Variants in AMMECR1 observed in about 807,000 individuals in gnomAD.
The protein encoded by AMMECR1 is nuclear protein AMMECR1.
Under a neutral mutation model 22.5 loss-of-function variants are expected in AMMECR1, and 3 were observed. That is an observed-to-expected ratio of 0.13 (90% CI 0.06 to 0.35). The LOEUF (loss-of-function observed/expected upper bound fraction) is 0.35, where lower values mean the gene tolerates loss of function less well. AMMECR1 is among the 10% of genes least tolerant of loss of function. The pLI is 1.00. For synonymous variants in AMMECR1, 130 were observed against 116.7 expected, an observed-to-expected ratio of 1.11 and a Z score of -0.74; for missense variants, 235 against 278.7, an observed-to-expected ratio of 0.84 and a Z score of 1.12.
upstream of AMMECR1, among the ~76,000 whole-genome samples, chrX:110,318,871 TTTAA>T (rs2068068110): frequency 8.9e-6 from 1 of 112,390 alleles, no homozygotes; most frequent in Non-Finnish European, 1.9e-5. Flanking sequence ...CGTTTAAACA[TTTAA>T]AAGCCAAAAA....
intron 2 of AMMECR1, among the ~76,000 whole-genome samples, chrX:110,262,634 A>T (rs1255515663): frequency 8.9e-6 from 1 of 112,174 alleles, no homozygotes; most frequent in East Asian, 2.8e-4. Flanking sequence ...AAAAGAATTT[A>T]TTTTTTTCTT....
chrX:110,247,715 C>T (rs1323904301), intron 2 of AMMECR1, among the ~76,000 whole-genome samples: 2 of 108,401 alleles, frequency 1.8e-5, no homozygotes, highest in South Asian at 3.9e-4. Flanking sequence ...CAAACAAAAA[C>T]GAAAGAAAGA....
At chrX:110,242,855 T>C (rs1050647801) in intron 2 of AMMECR1, among the ~76,000 whole-genome samples, 2 of 112,414 alleles carry the variant, frequency 1.8e-5, no homozygotes, top group African/African-American at 3.2e-5. Context: ...GAAATAAATG[T>C]AGTCATAAAA....
intron 1 of AMMECR1, among the ~76,000 whole-genome samples, chrX:110,436,243 A>G (rs1273814718): frequency 9.0e-6 from 1 of 111,479 alleles, no homozygotes. Flanking sequence ...GTGCTCCTGG[A>G]GAGTCAGGAT....
intron 1 of AMMECR1, among the ~76,000 whole-genome samples, chrX:110,430,751 C>T (rs934123045): frequency 3.5e-4 from 39 of 112,468 alleles, no homozygotes; most frequent in African/African-American, 1.2e-3. Flanking sequence ...CCATGAATTA[C>T]AGCTCTTTGA....
chrX:110,345,827 A>G (rs1391743536), intron 2 of AMMECR1, among the ~76,000 whole-genome samples: 1 of 112,332 alleles, frequency 8.9e-6, no homozygotes. Flanking sequence ...TCATTTAGAA[A>G]CAATTTGACT....
At chrX:110,350,136 T>C (rs925242734) in intron 2 of AMMECR1, among the ~76,000 whole-genome samples, 2 of 112,171 alleles carry the variant, frequency 1.8e-5, no homozygotes, top group Non-Finnish European at 3.8e-5. Context: ...CAGTTTGAAA[T>C]CCAGAATAAG....
At chrX:110,231,544 C>T (rs1317668528) in intron 2 of AMMECR1, among the ~76,000 whole-genome samples, 4 of 112,154 alleles carry the variant, frequency 3.6e-5, no homozygotes, top group Non-Finnish European at 7.5e-5. Flanking sequence ...ACAACTGGTA[C>T]CAGCCACTGC....
chrX:110,218,778 C>T (rs1304066458), intron 2 of AMMECR1, among the ~76,000 whole-genome samples: 2 of 110,855 alleles, frequency 1.8e-5, no homozygotes, highest in Admixed American at 9.6e-5. Context: ...AAAGAAACTA[C>T]GTACCCAATA....
chrX:110,224,507 A>G (rs747729787), intron 2 of AMMECR1, among the ~76,000 whole-genome samples: 25 of 109,466 alleles, frequency 2.3e-4, no homozygotes, highest in Admixed American at 5.8e-4. Flanking sequence ...ACTCAGAGTT[A>G]CAGGGAGTTT....
intron 2 of AMMECR1, among the ~76,000 whole-genome samples, chrX:110,329,433 G>C (rs1409655076): frequency 1.8e-5 from 2 of 111,554 alleles, no homozygotes; most frequent in African/African-American, 6.5e-5. Context: ...TCCTTCAACT[G>C]TTTCTGTGTC....
intron 1 of AMMECR1, among the ~76,000 whole-genome samples, chrX:110,305,200 C>G (rs756958977): frequency 8.9e-6 from 1 of 112,101 alleles, no homozygotes; most frequent in Admixed American, 9.4e-5. Context: ...CCCAGAACAG[C>G]TGTATTACTT....
At chrX:110,224,808 T>TA (rs1252037616) in intron 2 of AMMECR1, among the ~76,000 whole-genome samples, 1 of 111,059 alleles carries the variant, frequency 9.0e-6, no homozygotes, top group African/African-American at 3.3e-5. Context: ...AATCCTTAGG[T>TA]AAAAAACAAA....
intron 2 of AMMECR1, among the ~76,000 whole-genome samples, chrX:110,246,185 C>T: frequency 8.9e-6 from 1 of 111,749 alleles, no homozygotes; most frequent in South Asian, 3.7e-4. Flanking sequence ...TTTATAATAG[C>T]ACAACTTAAT....
intron 2 of AMMECR1, among the ~76,000 whole-genome samples, chrX:110,373,546 T>C (rs1338880859): frequency 2.7e-5 from 3 of 111,727 alleles, no homozygotes; most frequent in Middle Eastern, 4.2e-3. Context: ...TGCAAAAAAA[T>C]GATAAAGCAC....
chrX:110,326,936 A>T (rs1333030408), intron 2 of AMMECR1, among the ~76,000 whole-genome samples: 1 of 111,852 alleles, frequency 8.9e-6, no homozygotes, highest in Non-Finnish European at 1.9e-5. Context: ...TTACTGACAC[A>T]TATTTTGTTG....
chrX:110,287,502 C>A lies in AMMECR1; in HGVS notation c.474-22903G>T, dbSNP rs746879372. 1.3e-4 allele frequency among the ~76,000 whole-genome samples: 15 copies of A among 111,810 alleles called. No homozygotes were observed. In the South Asian group the frequency reaches 5.4e-3, roughly 40 times the overall value. ...CAGCAGTTCACACTTCCTTATGTAA[C>A]CAGGGGCTCCCTGGTTTCCTGAGTA... On this transcript the variant is annotated intron_variant, in intron 1 of 5. Coordinates refer to ENST00000262844, the MANE Select transcript of AMMECR1 (RefSeq NM_015365.3).
At chrX:110,344,315 T>C (rs371286152) in intron 2 of AMMECR1, among the ~76,000 whole-genome samples, 1 of 112,169 alleles carries the variant, frequency 8.9e-6, no homozygotes, top group East Asian at 2.8e-4. Context: ...AATTGGATCC[T>C]TTCCTTACAC....
At chrX:110,378,520 C>T (rs1378320139) in intron 2 of AMMECR1, among the ~76,000 whole-genome samples, 3 of 112,040 alleles carry the variant, frequency 2.7e-5, no homozygotes, top group African/African-American at 3.2e-5. Context: ...TCCTGGCATT[C>T]GAAGCTCTCT....
Sources: allele counts gnomAD v4.1 joint callset (sites outside exome capture counted in the v4.1 genomes callset), GRCh38; gene constraint gnomAD v4.1.1; transcripts MANE v1.5; gene names NCBI Gene and HGNC (gene_info 2026-07-23, HGNC 2026-07-21).